KHDRBS2: variants seen among roughly 807,000 people sequenced by gnomAD.
KHDRBS2 encodes KH RNA binding domain containing, signal transduction associated 2, also known as KH domain-containing, RNA-binding, signal transduction-associated protein 2.
KHDRBS2 carries 26 observed loss-of-function variants against 44.3 expected under a neutral mutation model. The observed-to-expected ratio is 0.59, with a 90% CI of 0.43 to 0.81. The LOEUF is 0.81. Among genes scored for constraint, KHDRBS2 ranks in the 40% least tolerant of loss-of-function variants. KHDRBS2 has a pLI of 0.00. For synonymous variants in KHDRBS2, 194 were observed against 151.1 expected (o/e 1.28, Z -2.08); for missense variants, 476 against 433.1 (o/e 1.10, Z -0.88).
intron 4 of KHDRBS2, among the ~76,000 whole-genome samples, chr6:61,955,376 A>G (rs1245901228): frequency 1.7e-5 from 2 of 115,702 alleles, no homozygotes; most frequent in African/African-American, 3.5e-5. Context: ...ATACGTGTAT[A>G]TATACACATA....
intron 6 of KHDRBS2, among the ~76,000 whole-genome samples, chr6:61,805,616 G>A (rs776610467): frequency 2.1e-4 from 32 of 152,194 alleles, no homozygotes; most frequent in Non-Finnish European, 4.4e-4. Flanking sequence ...TCACAGTTCT[G>A]CATGATTGGG....
chr6:61,820,894 G>A (rs773823676), intron 6 of KHDRBS2, among the ~76,000 whole-genome samples: 1 of 151,984 alleles, frequency 6.6e-6, no homozygotes, highest in Non-Finnish European at 1.5e-5. Context: ...GAATCAATGT[G>A]CTACCTGGAT....
intron 4 of KHDRBS2, among the ~76,000 whole-genome samples, chr6:61,930,622 G>A (rs1368059840): frequency 4.1e-5 from 6 of 145,644 alleles, no homozygotes; most frequent in Non-Finnish European, 6.0e-5. Context: ...GCTTGAACCC[G>A]GGAGGTGGAG....
chr6:62,105,855 T>G (rs1803114834), intron 2 of KHDRBS2, among the ~76,000 whole-genome samples: 1 of 152,184 alleles, frequency 6.6e-6, no homozygotes, highest in Non-Finnish European at 1.5e-5. Context: ...TTCGAGTTCT[T>G]TTAATTGTGA....
intron 4 of KHDRBS2, among the ~76,000 whole-genome samples, chr6:61,908,221 C>A (rs1171855261): frequency 1.3e-5 from 2 of 151,690 alleles, no homozygotes; most frequent in South Asian, 4.2e-4. Flanking sequence ...TAGAGATAGA[C>A]AAATATTTAC....
At chr6:61,911,771 T>C (rs941097858) in intron 4 of KHDRBS2, among the ~76,000 whole-genome samples, 9 of 152,142 alleles carry the variant, frequency 5.9e-5, no homozygotes, top group Non-Finnish European at 1.0e-4. Flanking sequence ...TACTCTGTCA[T>C]AGCAACTTTC....
At chr6:61,826,672 T>C (rs1790918176) in intron 6 of KHDRBS2, among the ~76,000 whole-genome samples, 2 of 152,216 alleles carry the variant, frequency 1.3e-5, no homozygotes, top group South Asian at 4.1e-4. Context: ...TTGACCTTTT[T>C]GGCCTCTAAA....
intron 6 of KHDRBS2, chr6:61,817,082 C>G (rs1420600808): frequency 7.5e-6 from 3 of 398,134 alleles, no homozygotes; most frequent in Non-Finnish European, 1.5e-5. Flanking sequence ...AAAAAACTTT[C>G]CACAAAGCAA....
chr6:61,840,177 T>C (rs1419135300), intron 6 of KHDRBS2, among the ~76,000 whole-genome samples: 1 of 152,104 alleles, frequency 6.6e-6, no homozygotes, highest in Non-Finnish European at 1.5e-5. Context: ...GGATTCACAC[T>C]GTAAACTGAT....
intron 1 of KHDRBS2, among the ~76,000 whole-genome samples, chr6:62,277,942 A>G (rs1488652404): frequency 6.6e-6 from 1 of 152,188 alleles, no homozygotes; most frequent in Non-Finnish European, 1.5e-5. Context: ...AAAAGATGCA[A>G]TCACTACAGA....
intron 6 of KHDRBS2, among the ~76,000 whole-genome samples, chr6:61,846,435 C>T (rs1403320639): frequency 6.6e-6 from 1 of 152,156 alleles, no homozygotes; most frequent in Non-Finnish European, 1.5e-5. Context: ...TCATGTATTA[C>T]TACTTTCCTG....
chr6:62,061,930 T>A (rs1329513921), intron 2 of KHDRBS2, among the ~76,000 whole-genome samples: 1 of 151,826 alleles, frequency 6.6e-6, no homozygotes, highest in Non-Finnish European at 1.5e-5. Flanking sequence ...TATTTCATCT[T>A]CCATCGCTGA....
intron 2 of KHDRBS2, among the ~76,000 whole-genome samples, chr6:62,107,262 A>C (rs1297895918): frequency 6.6e-6 from 1 of 152,210 alleles, no homozygotes; most frequent in Non-Finnish European, 1.5e-5. Context: ...ATACAAAATC[A>C]ATGTATGAAA....
intron 1 of KHDRBS2, among the ~76,000 whole-genome samples, chr6:62,178,722 T>C (rs892510681): frequency 3.3e-5 from 5 of 151,598 alleles, no homozygotes; most frequent in Non-Finnish European, 1.5e-5. Context: ...TTTATGTTTT[T>C]TATATAGTTA....
chr6:61,956,904 T>TTCATCATCA (rs113300633), intron 4 of KHDRBS2, among the ~76,000 whole-genome samples: 37,992 of 148,202 alleles, frequency 0.26, 5,201 homozygotes, highest in Admixed American at 0.34. Context: ...GTTATTGGTT[T>TTCATCATCA]TCATCATCAT....
At position 62,286,124 on chromosome 6, in the gene KHDRBS2, C is replaced by T; in HGVS notation, c.-176G>A. 1 of 577,470 alleles carries T rather than the reference C, an allele frequency of 1.7e-6. No individual in the cohort carries two copies. Among genetic ancestry groups the T allele is most frequent in the Non-Finnish European group, 3.0e-6 (1 of 330,088 alleles). The allele number at this position is 577,470 out of a possible 1,614,324, so 35.8% of individuals were successfully genotyped here. A position where few individuals can be genotyped will look rare whatever the true frequency, so the allele number is the denominator to read the frequency against. On this transcript the variant is annotated 5_prime_UTR_variant, in exon 1 of 9. Transcript: ENST00000281156. ...ACCTGCGACTCCCGCCGTCGGGCTG[C>T]GTGGCCCCGCGCCCACACCTGCCCG...
chr6:62,092,120 T>A (rs1410150646), intron 2 of KHDRBS2, among the ~76,000 whole-genome samples: 1 of 149,098 alleles, frequency 6.7e-6, no homozygotes. Context: ...TGTCTCCAGT[T>A]TTTTTTTTTA....
At chr6:61,793,660 A>C (rs1279734897) in intron 6 of KHDRBS2, among the ~76,000 whole-genome samples, 9 of 152,238 alleles carry the variant, frequency 5.9e-5, no homozygotes, top group African/African-American at 2.2e-4. Context: ...ATTATTCTGC[A>C]TATCTTTCAA....
At chr6:61,802,505 C>T (rs1786442193) in intron 6 of KHDRBS2, among the ~76,000 whole-genome samples, 1 of 152,100 alleles carries the variant, frequency 6.6e-6, no homozygotes, top group Admixed American at 6.6e-5. Context: ...CATATTATGG[C>T]AGTTTTACTT....
Sources: gnomAD v4.1 joint callset for allele counts (sites outside exome capture counted in the v4.1 genomes callset) on GRCh38, gnomAD v4.1.1 for gene constraint, MANE v1.5 for transcripts, NCBI Gene and HGNC (gene_info 2026-07-23, HGNC 2026-07-21) for gene names.